Variants in ZDHHC17 observed in about 807,000 individuals in gnomAD.
ZDHHC17 encodes palmitoyltransferase ZDHHC17.
A neutral mutation model predicts 90.3 loss-of-function variants in ZDHHC17; 40 were observed. The observed-to-expected ratio is 0.44, with a 90% CI of 0.34 to 0.58. The LOEUF (loss-of-function observed/expected upper bound fraction) is 0.58. ZDHHC17 is among the 20% of genes least tolerant of loss of function. ZDHHC17 has a pLI of 0.01. For missense variants in ZDHHC17, 614 were observed against 780.8 expected, an observed-to-expected ratio of 0.79 and a Z score of 2.55; for synonymous variants, 235 against 252.4, an observed-to-expected ratio of 0.93 and a Z score of 0.65.
At chr12:76,824,417 A>T (rs1953206307) in intron 8 of ZDHHC17, among the ~76,000 whole-genome samples, 1 of 152,146 alleles carries the variant, frequency 6.6e-6, no homozygotes, top group Non-Finnish European at 1.5e-5. Flanking sequence ...TTTAAAAATT[A>T]TGATGATTAG....
At chr12:76,773,446 T>A (rs1952519499) in intron 1 of ZDHHC17, among the ~76,000 whole-genome samples, 2 of 152,230 alleles carry the variant, frequency 1.3e-5, no homozygotes, top group Admixed American at 1.3e-4. Context: ...TGAATAATAT[T>A]TTATTTTCTG....
intron 1 of ZDHHC17, among the ~76,000 whole-genome samples, chr12:76,796,021 T>C (rs188738865): frequency 5.9e-5 from 9 of 152,302 alleles, no homozygotes; most frequent in Admixed American, 5.9e-4. Context: ...TGTAAAACTT[T>C]TAAATTCCTT....
At chr12:76,777,259 A>C (rs772275642) in intron 1 of ZDHHC17, among the ~76,000 whole-genome samples, 10 of 152,194 alleles carry the variant, frequency 6.6e-5, no homozygotes, top group African/African-American at 1.2e-4. Context: ...TGTAATTTTA[A>C]GAATGTTACA....
intron 2 of ZDHHC17, among the ~76,000 whole-genome samples, chr12:76,804,512 C>A (rs1443665411): frequency 1.3e-5 from 2 of 152,148 alleles, no homozygotes; most frequent in Non-Finnish European, 2.9e-5. Flanking sequence ...CACTGGCAGC[C>A]AGCCTGCGAA....
At chr12:76,764,418 G>A (rs1261287556) in intron 1 of ZDHHC17, 89 bp downstream of exon 1, 10 of 1,281,114 alleles carry the variant, frequency 7.8e-6, no homozygotes, top group Admixed American at 2.2e-5. Context: ...CGACGTGTGT[G>A]GGGTAGTGGG....
intron 7 of ZDHHC17, among the ~76,000 whole-genome samples, chr12:76,818,340 C>A (rs1191851941): frequency 6.6e-6 from 1 of 152,104 alleles, no homozygotes. Context: ...AGTCTTATCA[C>A]CTTCTAATAG....
intron 1 of ZDHHC17, among the ~76,000 whole-genome samples, chr12:76,793,534 A>ACACTCATT (rs1952784864): frequency 6.6e-6 from 1 of 152,176 alleles, no homozygotes; most frequent in East Asian, 1.9e-4. Flanking sequence ...GAAGGGAATG[A>ACACTCATT]GTGTGTGGAG....
chr12:76,819,396 A>G (rs1439632123), intron 7 of ZDHHC17, among the ~76,000 whole-genome samples: 1 of 152,190 alleles, frequency 6.6e-6, no homozygotes, highest in Non-Finnish European at 1.5e-5. Context: ...TTAAGTCTTA[A>G]GAAAGAATCT....
intron 3 of ZDHHC17, among the ~76,000 whole-genome samples, chr12:76,806,883 G>A (rs10735459): frequency 0.61 from 92,812 of 152,164 alleles, 28,346 homozygotes; most frequent in East Asian, 0.67. Context: ...GTAGAGACAA[G>A]TTGGATATTA....
intron 9 of ZDHHC17, among the ~76,000 whole-genome samples, chr12:76,827,698 C>G (rs1953245811): frequency 6.6e-6 from 1 of 151,980 alleles, no homozygotes; most frequent in South Asian, 2.1e-4. Context: ...GAAAATAATT[C>G]ACACAGAGAT....
chr12:76,804,763 C>A (rs1259078883), intron 2 of ZDHHC17, among the ~76,000 whole-genome samples: 1 of 152,162 alleles, frequency 6.6e-6, no homozygotes, highest in Admixed American at 6.5e-5. Flanking sequence ...GATAAATTGC[C>A]TGCTGTAGCT....
chr12:76,801,274 G>A (rs1454377593), intron 2 of ZDHHC17, among the ~76,000 whole-genome samples: 1 of 149,438 alleles, frequency 6.7e-6, no homozygotes, highest in Non-Finnish European at 1.5e-5. Flanking sequence ...TTCAATTTTT[G>A]TAGTGAAATG....
At chr12:76,764,458 C>T in intron 1 of ZDHHC17, 129 bp downstream of exon 1, 2 of 853,240 alleles carry the variant, frequency 2.3e-6, no homozygotes, top group Non-Finnish European at 3.6e-6. Context: ...GGTGGGGAGG[C>T]GAATCCAGGC....
chr12:76,793,452 G>A (rs1265315636), intron 1 of ZDHHC17, among the ~76,000 whole-genome samples: 2 of 152,196 alleles, frequency 1.3e-5, no homozygotes, highest in South Asian at 2.1e-4. Flanking sequence ...CCTGGGAGGC[G>A]GAGGTTGCAG....
At chr12:76,781,599 G>A in intron 1 of ZDHHC17, 1 of 455,978 alleles carries the variant, frequency 2.2e-6, no homozygotes, top group East Asian at 6.9e-5. Context: ...TCTTGCCCTT[G>A]CACCTTCTAC....
intron 1 of ZDHHC17, among the ~76,000 whole-genome samples, chr12:76,780,069 G>A (rs1305142425): frequency 6.6e-6 from 1 of 152,110 alleles, no homozygotes; most frequent in Non-Finnish European, 1.5e-5. Flanking sequence ...AGGTCTTGGA[G>A]TTTAGTAGTT....
intron 7 of ZDHHC17, among the ~76,000 whole-genome samples, chr12:76,821,761 C>A (rs985841878): frequency 6.6e-6 from 1 of 152,142 alleles, no homozygotes; most frequent in East Asian, 1.9e-4. Flanking sequence ...TTGTTTCTTA[C>A]TTTGATACAT....
At chr12:76,841,908 T>C (rs1953440092) in intron 10 of ZDHHC17, 74 bp from the exon 11 acceptor site, 1 of 1,180,644 alleles carries the variant, frequency 8.5e-7, no homozygotes, top group Non-Finnish European at 1.1e-6. Flanking sequence ...TTTGTAAAAT[T>C]TTATAGATTA....
At chr12:76,773,264 C>CACCAA (rs1952517886) in intron 1 of ZDHHC17, among the ~76,000 whole-genome samples, 1 of 152,164 alleles carries the variant, frequency 6.6e-6, no homozygotes, top group Admixed American at 6.5e-5. Flanking sequence ...ATGTCCTTCC[C>CACCAA]ACCAATCCCT....
Sources: allele counts gnomAD v4.1 joint callset (sites outside exome capture counted in the v4.1 genomes callset), GRCh38; gene constraint gnomAD v4.1.1; transcripts MANE v1.5; gene names NCBI Gene and HGNC (gene_info 2026-07-23, HGNC 2026-07-21).